The following FGF10 variants were observed in gnomAD, a reference collection of about 807,000 sequenced individuals.
FGF10 encodes FGF-10.
FGF10 carries 2 observed loss-of-function variants against 19.8 expected under a neutral mutation model. The ratio of observed to expected loss-of-function variants is 0.10; its 90% CI spans 0.04 to 0.32. The LOEUF (loss-of-function observed/expected upper bound fraction) is 0.32. Among genes scored for constraint, FGF10 ranks in the 10% least tolerant of loss-of-function variants. The pLI, the probability that FGF10 is intolerant of heterozygous loss-of-function variation, is 1.00. For synonymous variants in FGF10, 112 were observed against 94.0 expected, an observed-to-expected ratio of 1.19 and a Z score of -1.10; for missense variants, 191 against 246.3, an observed-to-expected ratio of 0.78 and a Z score of 1.50.
chr5:44,356,999 T>C (rs1487978744), intron 1 of FGF10, among the ~76,000 whole-genome samples: 1 of 151,350 alleles, frequency 6.6e-6, no homozygotes, highest in Non-Finnish European at 1.5e-5. Context: ...GTTTCACTTC[T>C]TTCTGCTTCA....
intron 1 of FGF10, among the ~76,000 whole-genome samples, chr5:44,328,464 A>C (rs17234338): frequency 6.6e-6 from 1 of 152,156 alleles, no homozygotes; most frequent in Non-Finnish European, 1.5e-5. Flanking sequence ...AAATACTTTT[A>C]AAAAGTCTAA....
At chr5:44,317,005 A>T (rs1220190200) in intron 1 of FGF10, among the ~76,000 whole-genome samples, 2 of 152,246 alleles carry the variant, frequency 1.3e-5, no homozygotes, top group African/African-American at 4.8e-5. Context: ...AAATTGTCTC[A>T]AAGCAATAGG....
At chr5:44,327,908 G>A (rs1740648739) in intron 1 of FGF10, among the ~76,000 whole-genome samples, 1 of 152,176 alleles carries the variant, frequency 6.6e-6, no homozygotes, top group South Asian at 2.1e-4. Flanking sequence ...TGTGGTACTA[G>A]GATATGCAGT....
chr5:44,380,068 T>G (rs1579945899), intron 1 of FGF10, among the ~76,000 whole-genome samples: 1 of 152,208 alleles, frequency 6.6e-6, no homozygotes, highest in East Asian at 1.9e-4. Context: ...TGCAGAGATA[T>G]TCCCAAAAAA....
intron 1 of FGF10, among the ~76,000 whole-genome samples, chr5:44,361,135 A>G (rs905780880): frequency 6.6e-6 from 1 of 151,672 alleles, no homozygotes; most frequent in African/African-American, 2.4e-5. Context: ...TGCAGCAGCA[A>G]CTCTCAAGGT....
chr5:44,347,111 T>C (rs1741106801), intron 1 of FGF10, among the ~76,000 whole-genome samples: 1 of 151,742 alleles, frequency 6.6e-6, no homozygotes, highest in African/African-American at 2.4e-5. Flanking sequence ...TAGTAAATAC[T>C]CAATAAATAT....
rs1204565142 is a variant in FGF10 at position 44,301,000 on chromosome 5, G to A, written c.*3995C>T. On this transcript the variant is annotated 3_prime_UTR_variant, in exon 3 of 3. Transcript: ENST00000264664. ...TCTGGCCTAACCAAATAAAACCAAT[G>A]AAGGGTAACAGAAAATGAATGTCTG... Among the ~76,000 whole-genome samples, 1 of 152,046 alleles carries A rather than the reference G, an allele frequency of 6.6e-6. No homozygotes were observed. The highest frequency in any genetic ancestry group is 2.4e-5 in the African/African-American group (1 of 41,422).
At chr5:44,358,644 C>T (rs1741405651) in intron 1 of FGF10, among the ~76,000 whole-genome samples, 1 of 151,404 alleles carries the variant, frequency 6.6e-6, no homozygotes, top group Admixed American at 6.6e-5. Context: ...CCCCAGTAGC[C>T]TCGTAATGCA....
At chr5:44,373,563 C>A (rs144432371) in intron 1 of FGF10, among the ~76,000 whole-genome samples, 1 of 152,056 alleles carries the variant, frequency 6.6e-6, no homozygotes, top group African/African-American at 2.4e-5. Context: ...TTTCATACAA[C>A]GTAGAACACA....
At chr5:44,353,336 A>T (rs1741277153) in intron 1 of FGF10, among the ~76,000 whole-genome samples, 1 of 151,530 alleles carries the variant, frequency 6.6e-6, no homozygotes, top group Admixed American at 6.6e-5. Flanking sequence ...TGAGAACTAT[A>T]TGGTTTGTTC....
intron 2 of FGF10, among the ~76,000 whole-genome samples, chr5:44,308,917 G>C (rs1000196023): frequency 6.6e-6 from 1 of 152,044 alleles, no homozygotes; most frequent in African/African-American, 2.4e-5. Context: ...TATGGCTGTG[G>C]GTCCCATTAT....
intron 1 of FGF10, among the ~76,000 whole-genome samples, chr5:44,336,913 A>G (rs569409726): frequency 6.6e-6 from 1 of 152,284 alleles, no homozygotes; most frequent in South Asian, 2.1e-4. Flanking sequence ...CTTACTAACC[A>G]ATTTGGGGAA....
intron 1 of FGF10, among the ~76,000 whole-genome samples, chr5:44,377,231 C>T (rs776750103): frequency 6.6e-6 from 1 of 152,200 alleles, no homozygotes; most frequent in African/African-American, 2.4e-5. Flanking sequence ...TTAGAGACTG[C>T]TGTTTACTTA....
chr5:44,313,049 C>T (rs10060796), intron 1 of FGF10, among the ~76,000 whole-genome samples: 18,263 of 151,806 alleles, frequency 0.12, 2,710 homozygotes, highest in African/African-American at 0.34. Context: ...ATTTTTTTTC[C>T]ACTTTGCAAC....
chr5:44,308,517 T>A (rs1300571582), intron 2 of FGF10, among the ~76,000 whole-genome samples: 1 of 152,076 alleles, frequency 6.6e-6, no homozygotes, highest in Admixed American at 6.6e-5. Context: ...TCTGATATAG[T>A]AGATCAAGGA....
At chr5:44,384,910 G>T (rs771437566) in intron 1 of FGF10, among the ~76,000 whole-genome samples, 1 of 151,862 alleles carries the variant, frequency 6.6e-6, no homozygotes, top group Non-Finnish European at 1.5e-5. Context: ...CCTTTCACTA[G>T]ATCCCTCTTT....
rs190703668 is a variant in FGF10 at position 44,319,244 on chromosome 5, G to A, written c.326-8714C>T. On this transcript the variant is annotated intron_variant, in intron 1 of 2. Coordinates refer to ENST00000264664, the MANE Select transcript of FGF10 (RefSeq NM_004465.2). ...GAAAAAAAATTAAGCCACATAAAGG[G>A]TTAGAGGAGTTACTGCATGGCATAT... is the stretch of plus-strand genomic sequence containing the variant. 2.5e-4 allele frequency among the ~76,000 whole-genome samples: 38 copies of A among 152,228 alleles called. No homozygotes were observed. In the East Asian group the frequency reaches 6.6e-3, roughly 26 times the overall value.
chr5:44,386,740 C>T (rs1449175411), intron 1 of FGF10, among the ~76,000 whole-genome samples: 1 of 151,988 alleles, frequency 6.6e-6, no homozygotes, highest in East Asian at 1.9e-4. Context: ...TTAAAAGCAC[C>T]TCTACACGTA....
intron 1 of FGF10, among the ~76,000 whole-genome samples, chr5:44,359,713 A>T (rs1006027297): frequency 2.0e-5 from 3 of 151,450 alleles, no homozygotes; most frequent in African/African-American, 7.3e-5. Context: ...TGAAAAATTC[A>T]TATAAATTTA....
Sources: allele counts gnomAD v4.1 joint callset (sites outside exome capture counted in the v4.1 genomes callset), GRCh38; gene constraint gnomAD v4.1.1; transcripts MANE v1.5; gene names NCBI Gene and HGNC (gene_info 2026-07-23, HGNC 2026-07-21).